Variants in TRPA1 observed in about 807,000 individuals in gnomAD.
TRPA1 encodes ankyrin-like with transmembrane domains 1.
TRPA1 carries 129 observed loss-of-function variants against 131.3 expected under a neutral mutation model. That is an observed-to-expected ratio of 0.98 (90% CI 0.85 to 1.14). TRPA1 has a LOEUF of 1.14. TRPA1 is among the 50% of genes most tolerant of loss of function. The pLI is 0.00. For missense variants in TRPA1, 1,304 were observed against 1,354.2 expected, an observed-to-expected ratio of 0.96 and a Z score of 0.58; for synonymous variants, 441 against 451.7, an observed-to-expected ratio of 0.98 and a Z score of 0.30.
rs1224414349 is a variant in TRPA1, at chr8:72,021,443, G to T, written c.*1463C>A. 3 of 152,108 alleles carry T rather than the reference G, an allele frequency of 2.0e-5. No individual in the cohort carries two copies. In the East Asian group the frequency reaches 5.8e-4, roughly 29 times the overall value. The allele number at this position is 152,108 out of a possible 1,614,324, so 9.4% of individuals were successfully genotyped here. On this transcript the variant is annotated 3_prime_UTR_variant, in exon 27 of 27. Transcript: ENST00000262209. ...TCTTTGGATATTGCTTCTGTATAGT[G>T]ATTTTCCACCCTTTCTGTTTTAAGA...
chr8:72,082,402 C>T, the TRPA1 span, among the ~76,000 whole-genome samples: 1 of 151,958 alleles, frequency 6.6e-6, no homozygotes, highest in Non-Finnish European at 1.5e-5. Flanking sequence ...ATAGGATACA[C>T]AAACACACAC....
At chr8:72,041,465 G>T (rs1282364032) in intron 17 of TRPA1, 6 of 151,864 alleles carry the variant, frequency 4.0e-5, no homozygotes, top group Non-Finnish European at 7.4e-5. Context: ...CACATATTAG[G>T]CCATGAAGTA....
At chr8:72,048,576 G>A (rs761124445) in intron 15 of TRPA1, among the ~76,000 whole-genome samples, 6 of 152,066 alleles carry the variant, frequency 3.9e-5, no homozygotes, top group Non-Finnish European at 8.8e-5. Context: ...TTGAAAACTG[G>A]ATAATAATCA....
intron 4 of TRPA1, 123 bp downstream of exon 4, chr8:72,065,328 C>A: frequency 2.2e-6 from 2 of 906,318 alleles, no homozygotes; most frequent in South Asian, 3.3e-5. Flanking sequence ...TTTTTCCTGA[C>A]CTAGTTTTTG....
intron 25 of TRPA1, among the ~76,000 whole-genome samples, chr8:72,025,177 C>T (rs971111413): frequency 3.3e-5 from 5 of 151,596 alleles, no homozygotes; most frequent in African/African-American, 1.2e-4. Context: ...CAAATCTCAT[C>T]TTGCATTATA....
intron 24 of TRPA1, among the ~76,000 whole-genome samples, chr8:72,027,712 G>T (rs1811656873): frequency 6.6e-6 from 1 of 152,154 alleles, no homozygotes; most frequent in Non-Finnish European, 1.5e-5. Context: ...GTCCAGTTCT[G>T]CTCACAGTTC....
intron 15 of TRPA1, among the ~76,000 whole-genome samples, chr8:72,049,262 A>G (rs1805432483): frequency 6.6e-6 from 1 of 152,194 alleles, no homozygotes; most frequent in African/African-American, 2.4e-5. Flanking sequence ...AGCACTTTAT[A>G]CATTTTACCC....
Position 72,075,557 on chromosome 8 carries a change from C to T in TRPA1, c.-148G>A, listed in dbSNP as rs1374741621. 2.9e-6 allele frequency: 2 copies of T among 694,388 alleles called. No homozygotes were observed. The highest frequency in any genetic ancestry group is 5.1e-6 in the Non-Finnish European group (2 of 392,918). The allele number at this position is 694,388 out of a possible 1,614,324, so 43.0% of individuals were successfully genotyped here. ...CAGCTCACAGGCAGCGAAAAAGTCGCTCTGCGGAAGCCCTGGAGAACTTCT... is the reference window on the plus strand; with the variant it reads ...CAGCTCACAGGCAGCGAAAAAGTCGTTCTGCGGAAGCCCTGGAGAACTTCT... On this transcript the variant is annotated 5_prime_UTR_variant, in exon 1 of 27. Transcript: ENST00000262209.
At chr8:72,053,089 G>A (rs1266844411) in intron 13 of TRPA1, 2 of 334,474 alleles carry the variant, frequency 6.0e-6, no homozygotes, top group Non-Finnish European at 1.1e-5. Flanking sequence ...GCAATGGGAT[G>A]ATTCCACAAG....
At chr8:72,087,908 G>A in the TRPA1 span, among the ~76,000 whole-genome samples, 4 of 152,230 alleles carry the variant, frequency 2.6e-5, no homozygotes, top group Admixed American at 1.3e-4. Flanking sequence ...TGGCTGTGCC[G>A]CTAGGAGGGC....
In TRPA1 at chr8:72,066,373, T is replaced by C. The variant is rs115996174; in HGVS notation, c.445-815A>G. 6.0e-3 allele frequency among the ~76,000 whole-genome samples: 921 copies of C among 152,350 alleles called. 16 individuals are homozygous for C. The highest frequency in any genetic ancestry group is 0.02 in the African/African-American group (850 of 41,582). ...TTTGAATTGGCCTACTGGAGGCTTTTCCTCCTGCAGAAAGACTATGATAAA... is the reference window on the plus strand; with the variant it reads ...TTTGAATTGGCCTACTGGAGGCTTTCCCTCCTGCAGAAAGACTATGATAAA... On this transcript the variant is annotated intron_variant, in intron 3 of 26. Transcript: ENST00000262209.
At chr8:72,023,723 A>G in intron 26 of TRPA1, 91 bp downstream of exon 26, 1 of 828,896 alleles carries the variant, frequency 1.2e-6, no homozygotes, top group South Asian at 1.5e-5. Flanking sequence ...ATATAAAACA[A>G]AAACATCAAT....
chr8:72,033,238 C>A (rs1391295563), intron 23 of TRPA1, among the ~76,000 whole-genome samples: 2 of 152,216 alleles, frequency 1.3e-5, no homozygotes, highest in African/African-American at 4.8e-5. Flanking sequence ...ACATCACACA[C>A]CTTCATCTTT....
chr8:72,060,880 A>G (rs1001073460), intron 7 of TRPA1, among the ~76,000 whole-genome samples: 2 of 149,018 alleles, frequency 1.3e-5, no homozygotes, highest in Admixed American at 1.3e-4. Context: ...TTTTTCTAAG[A>G]GATACTGTAG....
chr8:72,022,751 TA>T lies in TRPA1; in HGVS notation c.*154del. 1 of 733,592 alleles carries T rather than the reference TA, an allele frequency of 1.4e-6. No individual in the cohort carries two copies. Among genetic ancestry groups the T allele is most frequent in the Non-Finnish European group, 2.4e-6 (1 of 421,476 alleles). 45.4% of individuals were successfully genotyped at this position (733,592 alleles called of 1,614,324 possible). On this transcript the variant is annotated 3_prime_UTR_variant, in exon 27 of 27. Coordinates refer to ENST00000262209, the MANE Select transcript of TRPA1 (RefSeq NM_007332.3). ...ATTGGTAGAAAATATGAATAGAGGATAAAAGATGGTTTACTTTTATACAGCA... is the reference window on the plus strand; with the variant it reads ...ATTGGTAGAAAATATGAATAGAGGATAAAGATGGTTTACTTTTATACAGCA...
rs775817417 is a variant in TRPA1 at position 72,055,780 on chromosome 8, C to G, written c.1270G>C (p.Gly424Arg). ...AGGTTATTTACAGAACCAGGGCCCC[C>G]CTGTCTACATGCATAATGTAGAGGA... ...CTPLHYACRQ[G>R]GPGSVNNLLG... Residue 424 changes from glycine (G) to arginine (R), a missense_variant, in exon 11 of 27, where the codon GGG becomes CGG. By Grantham distance (125) the Gly-to-Arg change is moderately radical. Coordinates refer to ENST00000262209, the MANE Select transcript of TRPA1 (RefSeq NM_007332.3). 28 of 1,612,808 alleles carry G rather than the reference C, an allele frequency of 1.7e-5. No homozygotes were observed. The highest frequency in any genetic ancestry group is 3.3e-5 in the Admixed American group (2 of 59,846).
upstream of TRPA1, among the ~76,000 whole-genome samples, chr8:72,078,358 A>C (rs1037051448): frequency 6.6e-5 from 10 of 152,116 alleles, no homozygotes; most frequent in Non-Finnish European, 1.3e-4. Flanking sequence ...GAATATCTCC[A>C]TCAATCCAAA....
chr8:72,087,631 A>AATATATATATATATATAT, the TRPA1 span, among the ~76,000 whole-genome samples: 44 of 146,374 alleles, frequency 3.0e-4, no homozygotes, highest in African/African-American at 1.1e-3. Context: ...GGATCTATCA[A>AATATATATATATATATAT]ATATATATAT....
At chr8:72,060,352 A>G (rs913273762) in intron 7 of TRPA1, 1 of 152,036 alleles carries the variant, frequency 6.6e-6, no homozygotes, top group African/African-American at 2.4e-5. Flanking sequence ...AAAGATTTTC[A>G]TATCTTCTAG....
Sources: gnomAD v4.1 joint callset for allele counts (sites outside exome capture counted in the v4.1 genomes callset) on GRCh38, gnomAD v4.1.1 for gene constraint, MANE v1.5 for transcripts, NCBI Gene and HGNC (gene_info 2026-07-23, HGNC 2026-07-21) for gene names.